DMD: variants seen among roughly 807,000 people sequenced by gnomAD.
DMD encodes dystrophin, also known as mutant dystrophin.
DMD carries 63 observed loss-of-function variants against 330.1 expected under a neutral mutation model. That is an observed-to-expected ratio of 0.19 (90% CI 0.16 to 0.24). The LOEUF is 0.24. DMD is among the 10% of genes least tolerant of loss of function. The pLI, the probability that DMD is intolerant of heterozygous loss-of-function variation, is 1.00. For missense variants in DMD, 3,344 were observed against 2,684.1 expected, an observed-to-expected ratio of 1.25 and a Z score of -5.43; for synonymous variants, 1,223 against 959.8, an observed-to-expected ratio of 1.27 and a Z score of -5.07.
intron 7 of DMD, among the ~76,000 whole-genome samples, chrX:32,707,069 G>A (rs769687362): frequency 2.6e-4 from 28 of 109,202 alleles, no homozygotes; most frequent in Non-Finnish European, 4.2e-4. Flanking sequence ...TCCAGCCTGG[G>A]AAACAGAGCA....
intron 50 of DMD, among the ~76,000 whole-genome samples, chrX:31,798,108 G>A (rs763690371): frequency 1.4e-3 from 153 of 111,858 alleles, no homozygotes; most frequent in African/African-American, 4.9e-3. Context: ...AAATATATCG[G>A]GTTGAATGAC....
At chrX:33,208,188 G>A (rs1361883220) in intron 1 of DMD, among the ~76,000 whole-genome samples, 1 of 111,653 alleles carries the variant, frequency 9.0e-6, no homozygotes, top group East Asian at 2.8e-4. Flanking sequence ...TATCTTTTCA[G>A]AATGAAAGGC....
chrX:32,440,304 T>C (rs977893861), intron 28 of DMD, among the ~76,000 whole-genome samples: 1 of 111,792 alleles, frequency 8.9e-6, no homozygotes, highest in Admixed American at 9.5e-5. Flanking sequence ...TCTACTTCAT[T>C]GTACTTTAAT....
intron 29 of DMD, among the ~76,000 whole-genome samples, chrX:32,429,400 T>TTTTG (rs1284904615): frequency 1.2e-5 from 1 of 82,038 alleles, no homozygotes; most frequent in Non-Finnish European, 2.3e-5. Context: ...TTTTTTTTTT[T>TTTTG]TTTTTTTTTT....
intron 2 of DMD, among the ~76,000 whole-genome samples, chrX:32,857,978 C>T (rs1183839207): frequency 1.9e-5 from 2 of 104,133 alleles, no homozygotes; most frequent in African/African-American, 3.5e-5. Context: ...TCCATGTACA[C>T]CTAGCTGGGG....
intron 55 of DMD, among the ~76,000 whole-genome samples, chrX:31,542,869 G>C (rs2073910946): frequency 8.9e-6 from 1 of 112,803 alleles, no homozygotes. Context: ...TAGAGGGCAG[G>C]GCATGAATAA....
chrX:32,973,912 A>C (rs761090132), intron 2 of DMD, among the ~76,000 whole-genome samples: 1 of 111,408 alleles, frequency 9.0e-6, no homozygotes, highest in East Asian at 2.8e-4. Context: ...GCCTTGATTA[A>C]AAAAAGGCAC....
intron 21 of DMD, among the ~76,000 whole-genome samples, chrX:32,472,595 G>A (rs911970236): frequency 9.0e-6 from 1 of 110,611 alleles, no homozygotes; most frequent in Non-Finnish European, 1.9e-5. Flanking sequence ...ATAAGGGCAG[G>A]AAACAGAAAA....
intron 52 of DMD, among the ~76,000 whole-genome samples, chrX:31,724,801 A>G (rs182180172): frequency 1.8e-5 from 2 of 112,027 alleles, no homozygotes; most frequent in Admixed American, 1.9e-4. Context: ...CCCTACCAGC[A>G]TAAGTACTAT....
intron 7 of DMD, among the ~76,000 whole-genome samples, chrX:32,782,298 A>G (rs2074851114): frequency 8.9e-6 from 1 of 111,864 alleles, no homozygotes; most frequent in Non-Finnish European, 1.9e-5. Context: ...GCACAAAACA[A>G]AACAAAAAAC....
intron 29 of DMD, among the ~76,000 whole-genome samples, chrX:32,428,375 T>C (rs1367256507): frequency 9.0e-6 from 1 of 111,696 alleles, no homozygotes; most frequent in Non-Finnish European, 1.9e-5. Flanking sequence ...GTGAAATGTA[T>C]TGACATTTCC....
rs764262385 is a variant in DMD, at chrX:32,401,122, A to C, written c.4233+10630T>G. On this transcript the variant is annotated intron_variant, in intron 30 of 78. Coordinates refer to ENST00000357033, the MANE Select transcript of DMD (RefSeq NM_004006.3). ...TGCATGTTCTCACTCATAGGTGGGA[A>C]TTGAACAATGAGAGCACATGGACAC... Among the ~76,000 whole-genome samples, 19 of 99,853 alleles carry C rather than the reference A, an allele frequency of 1.9e-4. No homozygotes were observed. The South Asian group carries it at 9.9e-3, about 52-fold the overall frequency. The allele number at this position is 99,853 out of a possible 115,157, so 86.7% of individuals were successfully genotyped here.
intron 47 of DMD, 121 bp downstream of exon 47, chrX:31,929,475 A>C: frequency 2.2e-6 from 2 of 893,032 alleles, no homozygotes; most frequent in Non-Finnish European, 3.2e-6. Flanking sequence ...AAAAAAACAA[A>C]ACAAAACAAC....
At chrX:32,861,477 C>T (rs776195486) in intron 2 of DMD, among the ~76,000 whole-genome samples, 1 of 111,538 alleles carries the variant, frequency 9.0e-6, no homozygotes, top group Non-Finnish European at 1.9e-5. Context: ...ATGGCCATAG[C>T]AGGACTTTGG....
At chrX:31,357,545 C>T (rs1271974056) in intron 60 of DMD, among the ~76,000 whole-genome samples, 1 of 111,382 alleles carries the variant, frequency 9.0e-6, no homozygotes, top group African/African-American at 3.3e-5. Flanking sequence ...TCAGTTTGTT[C>T]TACTAAACAC....
intron 13 of DMD, among the ~76,000 whole-genome samples, chrX:32,587,118 AAGAT>A (rs2054379178): frequency 9.0e-6 from 1 of 111,692 alleles, no homozygotes; most frequent in African/African-American, 3.2e-5. Flanking sequence ...TACTATCCCG[AAGAT>A]ATGTACTATA....
chrX:31,497,305 G>C (rs2069968313), intron 56 of DMD, among the ~76,000 whole-genome samples: 1 of 111,849 alleles, frequency 8.9e-6, no homozygotes, highest in South Asian at 3.7e-4. Context: ...TGTGACTCAT[G>C]CTAGTACTGG....
At chrX:32,872,541 A>T (rs1290324381) in intron 2 of DMD, among the ~76,000 whole-genome samples, 1 of 112,675 alleles carries the variant, frequency 8.9e-6, no homozygotes, top group Non-Finnish European at 1.9e-5. Flanking sequence ...CAAATAAGAG[A>T]TGACAACATT....
chrX:32,217,035 G>A lies in DMD; in HGVS notation c.6319C>T (p.Arg2107Trp), dbSNP rs770711808. Residue 2107 changes from arginine (R) to tryptophan (W), a missense_variant, in exon 44 of 79, where the codon CGG (arginine) becomes TGG (tryptophan). Arg to Trp is a moderately radical substitution (Grantham distance 101). Coordinates refer to ENST00000357033, the MANE Select transcript of DMD (RefSeq NM_004006.3). Reference sequence around the variant, plus strand: ...ATCTTTATATCATAATGAAAACGCCGCCATTTCTCAACAGATCTGTCAAAT... The same window carrying A: ...ATCTTTATATCATAATGAAAACGCCACCATTTCTCAACAGATCTGTCAAAT... Reference protein sequence around the residue: ...GRFDRSVEKWRRFHYDIKIFN... With the variant: ...GRFDRSVEKWWRFHYDIKIFN... 28 of 1,207,114 alleles carry A rather than the reference G, an allele frequency of 2.3e-5. No individual in the cohort carries two copies. The highest frequency in any genetic ancestry group is 3.5e-5 in the South Asian group (2 of 56,731).
Sources: allele counts gnomAD v4.1 joint callset (sites outside exome capture counted in the v4.1 genomes callset), GRCh38; gene constraint gnomAD v4.1.1; transcripts MANE v1.5; gene names NCBI Gene and HGNC (gene_info 2026-07-23, HGNC 2026-07-21).